Variants in KCNIP4 observed in about 807,000 individuals in gnomAD.
The protein encoded by KCNIP4 is potassium voltage-gated channel interacting protein 4.
KCNIP4 carries 12 observed loss-of-function variants against 34.0 expected under a neutral mutation model. The observed-to-expected ratio is 0.35, with a 90% CI of 0.23 to 0.57. The LOEUF is 0.57. Among genes scored for constraint, KCNIP4 ranks in the 20% least tolerant of loss-of-function variants. The pLI is 0.83. For missense variants in KCNIP4, 238 were observed against 311.7 expected, an observed-to-expected ratio of 0.76 and a Z score of 1.78; for synonymous variants, 124 against 102.2, an observed-to-expected ratio of 1.21 and a Z score of -1.29.
rs901645119 is a variant in KCNIP4 at position 20,729,144 on chromosome 4, T to G, written c.*938A>C. The G allele has an allele frequency of 6.6e-6, 1 of 152,650 alleles. No homozygotes were observed. Among genetic ancestry groups the G allele is most frequent in the South Asian group, 2.1e-4 (1 of 4,832 alleles). 9.5% of individuals were successfully genotyped at this position (152,650 alleles called of 1,614,324 possible). A position where few individuals can be genotyped will look rare whatever the true frequency, so the allele number is the denominator to read the frequency against. On this transcript the variant is annotated 3_prime_UTR_variant, in exon 9 of 9. Coordinates refer to ENST00000382152, the MANE Select transcript of KCNIP4 (RefSeq NM_025221.6). ...GTCCCTGAATGGCTTGTAATATAAA[T>G]AAACATGCTGTAAGGAAGTCAGGGG...
At chr4:20,823,254 C>T (rs1262845291) in intron 3 of KCNIP4, among the ~76,000 whole-genome samples, 1 of 152,116 alleles carries the variant, frequency 6.6e-6, no homozygotes, top group African/African-American at 2.4e-5. Context: ...AGTGACAGGG[C>T]ATCAGAGTGG....
At chr4:21,684,656 A>G (rs1185947682) in intron 1 of KCNIP4, among the ~76,000 whole-genome samples, 3 of 152,120 alleles carry the variant, frequency 2.0e-5, no homozygotes. Context: ...ATTTTTGGTG[A>G]AAAAAACAAA....
chr4:21,743,940 T>C (rs1237180741), intron 1 of KCNIP4, among the ~76,000 whole-genome samples: 1 of 151,672 alleles, frequency 6.6e-6, no homozygotes, highest in Admixed American at 6.6e-5. Flanking sequence ...CTTTGCCTGA[T>C]TACTCCAGAG....
intron 1 of KCNIP4, among the ~76,000 whole-genome samples, chr4:21,238,548 C>A (rs1759549277): frequency 6.6e-6 from 1 of 152,168 alleles, no homozygotes; most frequent in South Asian, 2.1e-4. Context: ...GATACAAAAT[C>A]AATGTGCAAA....
At chr4:21,937,558 T>C (rs1328626202) in intron 1 of KCNIP4, among the ~76,000 whole-genome samples, 2 of 152,132 alleles carry the variant, frequency 1.3e-5, no homozygotes, top group East Asian at 3.9e-4. Flanking sequence ...CAGTATCATG[T>C]TCCAACCCAT....
intron 1 of KCNIP4, among the ~76,000 whole-genome samples, chr4:21,733,178 T>C (rs1419206600): frequency 6.6e-6 from 1 of 152,140 alleles, no homozygotes; most frequent in African/African-American, 2.4e-5. Flanking sequence ...CCAATCCCAA[T>C]TTTTACTCCA....
intron 1 of KCNIP4, among the ~76,000 whole-genome samples, chr4:21,554,121 G>A (rs1241172837): frequency 1.3e-5 from 2 of 152,270 alleles, no homozygotes; most frequent in East Asian, 3.9e-4. Flanking sequence ...GCTCTTTGGA[G>A]ACAGCAGTCA....
intron 1 of KCNIP4, among the ~76,000 whole-genome samples, chr4:21,501,510 T>C (rs1733338548): frequency 6.6e-6 from 1 of 152,100 alleles, no homozygotes; most frequent in East Asian, 1.9e-4. Context: ...GCTGATACAT[T>C]ACATTTTCCC....
intron 1 of KCNIP4, among the ~76,000 whole-genome samples, chr4:21,580,851 T>G (rs1321654487): frequency 1.3e-5 from 2 of 152,046 alleles, no homozygotes; most frequent in African/African-American, 2.4e-5. Flanking sequence ...TCCTGAGTAT[T>G]GCAACGAAGA....
intron 1 of KCNIP4, among the ~76,000 whole-genome samples, chr4:21,141,995 C>T (rs1052062203): frequency 6.6e-6 from 1 of 151,402 alleles, no homozygotes; most frequent in African/African-American, 2.4e-5. Flanking sequence ...ACTAAAAATA[C>T]TAAAAATTTG....
intron 1 of KCNIP4, among the ~76,000 whole-genome samples, chr4:21,397,426 G>C (rs1292988697): frequency 6.6e-6 from 1 of 152,136 alleles, no homozygotes; most frequent in East Asian, 1.9e-4. Context: ...AAGATAAATA[G>C]CTAATGTATG....
At chr4:21,157,301 C>T (rs1294111147) in intron 1 of KCNIP4, among the ~76,000 whole-genome samples, 2 of 151,398 alleles carry the variant, frequency 1.3e-5, no homozygotes, top group African/African-American at 4.9e-5. Context: ...ATACAATAAA[C>T]AAAACAGACA....
chr4:21,681,055 T>C (rs1000817516), intron 1 of KCNIP4, among the ~76,000 whole-genome samples: 4 of 152,160 alleles, frequency 2.6e-5, no homozygotes, highest in Non-Finnish European at 4.4e-5. Context: ...AGATGGCATC[T>C]TCTTCCAATA....
chr4:21,549,581 C>T (rs115465757), intron 1 of KCNIP4, among the ~76,000 whole-genome samples: 1,654 of 152,118 alleles, frequency 0.011, 30 homozygotes, highest in African/African-American at 0.036. Context: ...GTCTCCCATA[C>T]AGCCTGCAGA....
intron 1 of KCNIP4, among the ~76,000 whole-genome samples, chr4:21,402,871 T>A (rs939119505): frequency 5.9e-4 from 90 of 152,194 alleles, no homozygotes; most frequent in African/African-American, 1.8e-3. Context: ...TCCTATTTTT[T>A]AAAAAAAACA....
At chr4:21,611,648 T>C (rs558642411) in intron 1 of KCNIP4, among the ~76,000 whole-genome samples, 1 of 152,222 alleles carries the variant, frequency 6.6e-6, no homozygotes, top group Admixed American at 6.5e-5. Flanking sequence ...TGTTTGTTTG[T>C]TTGTTTGTTT....
At chr4:20,880,427 T>C (rs1022764858) in intron 2 of KCNIP4, among the ~76,000 whole-genome samples, 2 of 152,216 alleles carry the variant, frequency 1.3e-5, no homozygotes, top group Non-Finnish European at 2.9e-5. Context: ...GCCAGTACTA[T>C]ACAATCCCAT....
intron 1 of KCNIP4, among the ~76,000 whole-genome samples, chr4:21,891,606 A>G (rs1727095106): frequency 6.6e-6 from 1 of 152,154 alleles, no homozygotes; most frequent in Non-Finnish European, 1.5e-5. Context: ...CTAAGTGCAC[A>G]GGGTCTAACA....
intron 1 of KCNIP4, among the ~76,000 whole-genome samples, chr4:21,551,557 T>C (rs774891603): frequency 2.6e-5 from 4 of 152,126 alleles, no homozygotes; most frequent in Non-Finnish European, 4.4e-5. Flanking sequence ...CTTGACAGCC[T>C]GATAAAAAAT....
Sources: allele counts gnomAD v4.1 joint callset (sites outside exome capture counted in the v4.1 genomes callset), GRCh38; gene constraint gnomAD v4.1.1; transcripts MANE v1.5; gene names NCBI Gene and HGNC (gene_info 2026-07-23, HGNC 2026-07-21).